Variants in C19orf44 observed in about 807,000 individuals in gnomAD.
The protein encoded by C19orf44 is chromosome 19 open reading frame 44, also known as uncharacterized protein C19orf44.
A neutral mutation model predicts 50.7 loss-of-function variants in C19orf44; 43 were observed. The observed-to-expected ratio is 0.85, with a 90% CI of 0.66 to 1.09. The LOEUF is 1.09. C19orf44 is among the 50% of genes least tolerant of loss of function. The pLI is 0.00. For missense variants in C19orf44, 722 were observed against 836.2 expected (o/e 0.86, Z 1.68); for synonymous variants, 298 against 334.7 (o/e 0.89, Z 1.20).
At chr19:16,501,838 G>C (rs2093426367) in intron 2 of C19orf44, among the ~76,000 whole-genome samples, 2 of 151,670 alleles carry the variant, frequency 1.3e-5, no homozygotes, top group South Asian at 4.2e-4. Context: ...TGATCTGCCC[G>C]CCTCAGCCTC....
Position 16,510,605 on chromosome 19 carries a change from CAG to C in C19orf44, c.1639+618_1639+619del, listed in dbSNP as rs560055550. 1.7e-3 allele frequency among the ~76,000 whole-genome samples: 255 copies of C among 152,200 alleles called. 3 individuals are homozygous for C. The highest frequency in any genetic ancestry group is 5.7e-3 in the African/African-American group (235 of 41,548). ...GGAGACATTATTAGTTGTCACAACT[CAG>C]GGTGGGGAATGCTATCGGCATCTGC... is the stretch of plus-strand genomic sequence containing the variant. On this transcript the variant is annotated intron_variant, in intron 5 of 8. Coordinates refer to ENST00000221671, the MANE Select transcript of C19orf44 (RefSeq NM_032207.4).
In C19orf44 at chr19:16,501,346, C is replaced by G. The variant is rs1485640550; in HGVS notation, c.554C>G (p.Ser185Cys). The change falls in exon 2 of 9, where the codon TCC becomes TGC. Residue 185 changes from serine (S) to cysteine (C), a missense_variant. By Grantham distance (112) the Ser-to-Cys change is moderately radical (BLOSUM62 -1). Coordinates refer to ENST00000221671, the MANE Select transcript of C19orf44 (RefSeq NM_032207.4). Reference sequence around the variant, plus strand: ...AAACAAGCACCTGTTGAAAACATATCCCCTGAAGCACCTGCTGGGAAAGAG... The same window carrying G: ...AAACAAGCACCTGTTGAAAACATATGCCCTGAAGCACCTGCTGGGAAAGAG... ...KKKQAPVENI[S>C]PEAPAGKERT... The G allele has an allele frequency of 1.2e-6, 2 of 1,614,096 alleles. No individual in the cohort carries two copies. The highest frequency in any genetic ancestry group is 1.7e-5 in the Admixed American group (1 of 59,982).
Position 16,520,525 on chromosome 19 carries a change from A to C in C19orf44, c.*472A>C, listed in dbSNP as rs1266242667. 2 of 1,604,744 alleles carry C rather than the reference A, an allele frequency of 1.2e-6. No homozygotes were observed. Among genetic ancestry groups the C allele is most frequent in the Admixed American group, 3.4e-5 (2 of 59,206 alleles). On this transcript the variant is annotated 3_prime_UTR_variant, in exon 9 of 9. Coordinates refer to ENST00000221671, the MANE Select transcript of C19orf44 (RefSeq NM_032207.4). The surrounding 1 kb of genome is among the most constrained non-coding windows in gnomAD (Gnocchi z 4.0). ...AGGGTCCGCTGTGGGGAGAGGCCTGATGATCAGGTGCCCCAGTGGATGGGC... is the reference window on the plus strand; with the variant it reads ...AGGGTCCGCTGTGGGGAGAGGCCTGCTGATCAGGTGCCCCAGTGGATGGGC...
chr19:16,509,772 T>G lies in C19orf44; in HGVS notation c.1423T>G (p.Ser475Ala). The stretch of plus-strand genomic sequence containing the variant: ...AGCTTATTCGGAGGATTTTGAAAAC[T>G]CTCCAAGTCTGACAGCATCTGAGCC... ...SSAYSEDFEN[S>A]PSLTASEPTA... Residue 475 changes from serine (S) to alanine (A), a missense_variant, in exon 5 of 9, where the codon TCT (serine) becomes GCT (alanine). Transcript: ENST00000221671. The G allele has an allele frequency of 6.2e-7, 1 of 1,614,178 alleles. No homozygotes were observed. The highest frequency in any genetic ancestry group is 8.5e-7 in the Non-Finnish European group (1 of 1,180,026).
Position 16,503,242 on chromosome 19 carries a change from T to G in C19orf44, c.937T>G (p.Ser313Ala), listed in dbSNP as rs1342785679. ...VSSDTASHTP[S>A]VSITGAFSNS... ...CAGTGACACCGCCTCCCACACGCCG[T>G]CAGTTTCCATCACAGGCGCCTTTTC... is the stretch of plus-strand genomic sequence containing the variant. The change falls in exon 3 of 9, where the codon TCA (serine) becomes GCA (alanine). Residue 313 changes from serine (S) to alanine (A), a missense_variant. Coordinates refer to ENST00000221671, the MANE Select transcript of C19orf44 (RefSeq NM_032207.4). 2 of 1,614,034 alleles carry G rather than the reference T, an allele frequency of 1.2e-6. No homozygotes were observed. The highest frequency in any genetic ancestry group is 2.2e-5 in the East Asian group (1 of 44,862).
intron 4 of C19orf44, 61 bp downstream of exon 4, chr19:16,506,835 T>A (rs28716321): frequency 0.25 from 314,908 of 1,249,026 alleles, 40,942 homozygotes; most frequent in Non-Finnish European, 0.27. Context: ...TTTTTTTTTT[T>A]AAATTTTTAA....
At chr19:16,497,097 C>A (rs1480108636) in intron 1 of C19orf44, among the ~76,000 whole-genome samples, 1 of 152,100 alleles carries the variant, frequency 6.6e-6, no homozygotes. Flanking sequence ...GTGATCATGC[C>A]ACTGCACTCC....
At position 16,517,250 on chromosome 19, in the gene C19orf44, TG is replaced by T; in HGVS notation, c.1924del (p.Ala642ProfsTer3). 1 of 1,614,120 alleles carries T rather than the reference TG, an allele frequency of 6.2e-7. No individual in the cohort carries two copies. The highest frequency in any genetic ancestry group is 8.5e-7 in the Non-Finnish European group (1 of 1,180,006). On this transcript the variant is annotated frameshift_variant, in exon 8 of 9. Coordinates refer to ENST00000221671, the MANE Select transcript of C19orf44 (RefSeq NM_032207.4). LOFTEE classifies it high-confidence loss of function. Reference protein sequence around the residue: ...AKEYIRCHRPAPLTMEDALEE... With the variant: ...AKEYIRCHRPXPLTMEDALEE... ...GACAGTACATTAGGTGCCACAGACC[TG>T]CCCCACTGACCATGGAGGATGCCCT...
At chr19:16,502,234 T>G (rs2093427484) in intron 2 of C19orf44, among the ~76,000 whole-genome samples, 1 of 142,956 alleles carries the variant, frequency 7.0e-6, no homozygotes. Context: ...TTTCTTTCTT[T>G]CCTTTTTTTT....
intron 7 of C19orf44, among the ~76,000 whole-genome samples, chr19:16,515,326 A>G (rs2093468560): frequency 6.6e-6 from 1 of 152,070 alleles, no homozygotes; most frequent in African/African-American, 2.4e-5. Flanking sequence ...GTGCCACTGC[A>G]CTCCAGCTCG....
intron 1 of C19orf44, among the ~76,000 whole-genome samples, chr19:16,500,454 G>A (rs1246894022): frequency 3.3e-5 from 5 of 151,582 alleles, no homozygotes; most frequent in African/African-American, 4.9e-5. Context: ...CTACACAGGA[G>A]GCTGAGGCAG....
At chr19:16,515,062 C>T (rs2093468004) in intron 7 of C19orf44, among the ~76,000 whole-genome samples, 1 of 152,102 alleles carries the variant, frequency 6.6e-6, no homozygotes, top group Admixed American at 6.6e-5. Flanking sequence ...CTTTTTTTAC[C>T]CTCTAAGAAT....
chr19:16,503,093 T>A lies in C19orf44; in HGVS notation c.788T>A (p.Val263Glu). 1 of 1,614,026 alleles carries A rather than the reference T, an allele frequency of 6.2e-7. No homozygotes were observed. Among genetic ancestry groups the A allele is most frequent in the South Asian group, 1.1e-5 (1 of 91,084 alleles). ...SVPSQLRAFT[V>E]PSVELSSAKP... is the part of the protein sequence containing the mutation. ...CCATCTCAACTGAGAGCATTTACTG[T>A]ACCCAGCGTGGAACTCTCCAGCGCA... The change falls in exon 3 of 9, where the codon GTA (valine) becomes GAA (glutamate). Residue 263 changes from valine to glutamate, a missense_variant. Transcript: ENST00000221671.
rs752890741 is a variant in C19orf44 at position 16,520,375 on chromosome 19, G to A, written c.*322G>A. The A allele has an allele frequency of 3.2e-5, 52 of 1,613,966 alleles. No homozygotes were observed. Among genetic ancestry groups the A allele is most frequent in the Non-Finnish European group, 4.1e-5 (48 of 1,179,984 alleles). On this transcript the variant is annotated 3_prime_UTR_variant, in exon 9 of 9. Transcript: ENST00000221671. The surrounding 1 kb of genome is among the most constrained non-coding windows in gnomAD (Gnocchi z 4.0). ...CAGCCTCTGCCTACCTAGATCTGGA[G>A]CGGGAGTAGGAACGGGAGCAGGAGC... is the stretch of plus-strand genomic sequence containing the variant.
rs553496048 is a variant in C19orf44 at position 16,510,172 on chromosome 19, C to T, written c.1639+184C>T. 4.1e-5 allele frequency: 33 copies of T among 810,128 alleles called. No individual in the cohort carries two copies. The East Asian group carries it at 4.4e-4, about 11-fold the overall frequency. 50.2% of individuals were successfully genotyped at this position (810,128 alleles called of 1,614,324 possible). A position where few individuals can be genotyped will look rare whatever the true frequency, so the allele number is the denominator to read the frequency against. Reference sequence around the variant, plus strand: ...CTGTAATCCCAGCACTTTGGGAGGCCGAGGCGGGAGGATCACTTGAGGTCA... The same window carrying T: ...CTGTAATCCCAGCACTTTGGGAGGCTGAGGCGGGAGGATCACTTGAGGTCA... On this transcript the variant is annotated intron_variant, in intron 5 of 8. Coordinates refer to ENST00000221671, the MANE Select transcript of C19orf44 (RefSeq NM_032207.4).
intron 4 of C19orf44, among the ~76,000 whole-genome samples, chr19:16,507,226 G>C (rs2093443020): frequency 6.6e-6 from 1 of 152,116 alleles, no homozygotes; most frequent in Non-Finnish European, 1.5e-5. Context: ...GTAGGTGAGA[G>C]ACCCTGATTT....
chr19:16,504,922 G>C (rs1465178107), intron 3 of C19orf44, among the ~76,000 whole-genome samples: 2 of 150,310 alleles, frequency 1.3e-5, no homozygotes, highest in Non-Finnish European at 3.0e-5. Context: ...GGGTTCAAGC[G>C]ATTCTCCTGC....
chr19:16,501,508 G>T lies in C19orf44; in HGVS notation c.716G>T (p.Ser239Ile), dbSNP rs1568492319. 3.8e-6 allele frequency: 6 copies of T among 1,582,258 alleles called. No homozygotes were observed. The highest frequency in any genetic ancestry group is 5.1e-6 in the Non-Finnish European group (6 of 1,165,956). ...GAAAAAAACACGAATCAAGGCTTCA[G>T]CAGCGCTAACGTCAGCGAGGAAGAA... ...SREKNTNQGF[S>I]SANVSEEEER... The change falls in exon 2 of 9, where the codon AGC becomes ATC. Residue 239 changes from serine (S) to isoleucine (I), a missense_variant. Coordinates refer to ENST00000221671, the MANE Select transcript of C19orf44 (RefSeq NM_032207.4).
chr19:16,519,305 C>T lies in C19orf44; in HGVS notation c.*41-789C>T. On this transcript the variant is annotated intron_variant, in intron 8 of 8. Coordinates refer to ENST00000221671, the MANE Select transcript of C19orf44 (RefSeq NM_032207.4). The surrounding 1 kb of genome is among the most constrained non-coding windows in gnomAD (Gnocchi z 6.0). The stretch of plus-strand genomic sequence containing the variant: ...CGGACGTCCCCGCCCTTGATGGGGT[C>T]CTGGATCCCTTGCTCCTTCGCACCG... 6.2e-7 allele frequency: 1 copy of T among 1,613,828 alleles called. No homozygotes were observed. The highest frequency in any genetic ancestry group is 1.3e-5 in the African/African-American group (1 of 75,044).
Sources: allele counts gnomAD v4.1 joint callset (sites outside exome capture counted in the v4.1 genomes callset), GRCh38; gene constraint gnomAD v4.1.1; non-coding constraint Gnocchi (gnomAD v3.1); transcripts MANE v1.5; gene names NCBI Gene and HGNC (gene_info 2026-07-23, HGNC 2026-07-21).